MSI2: variants seen among roughly 807,000 people sequenced by gnomAD.
MSI2 encodes RNA-binding protein Musashi homolog 2.
In MSI2, 17 loss-of-function variants were observed where a neutral mutation model predicts 45.6. The ratio of observed to expected loss-of-function variants is 0.37; its 90% CI spans 0.26 to 0.56. The LOEUF is 0.56. MSI2 is among the 20% of genes least tolerant of loss of function. The probability of loss-of-function intolerance (pLI) is 0.77; values close to 1 mark genes in which losing one functional copy is unlikely to be tolerated. For missense variants in MSI2, 293 were observed against 444.2 expected, an observed-to-expected ratio of 0.66 and a Z score of 3.06; for synonymous variants, 156 against 158.2, an observed-to-expected ratio of 0.99 and a Z score of 0.11.
intron 6 of MSI2, among the ~76,000 whole-genome samples, chr17:57,426,979 A>G (rs924743478): frequency 2.6e-5 from 4 of 152,244 alleles, no homozygotes; most frequent in African/African-American, 9.6e-5. Context: ...CAGGGCTTCT[A>G]AATTTTAAAA....
chr17:57,566,978 T>G (rs2087748260), intron 7 of MSI2, among the ~76,000 whole-genome samples: 1 of 152,052 alleles, frequency 6.6e-6, no homozygotes, highest in Non-Finnish European at 1.5e-5. Flanking sequence ...ACCTGATGAG[T>G]CTTCCTATCC....
At chr17:57,542,032 T>A (rs1262609035) in intron 7 of MSI2, among the ~76,000 whole-genome samples, 3 of 152,160 alleles carry the variant, frequency 2.0e-5, no homozygotes, top group Admixed American at 6.5e-5. Context: ...GGATGATTCA[T>A]GACTCTGCTT....
At chr17:57,622,023 A>C (rs8072276) in intron 9 of MSI2, among the ~76,000 whole-genome samples, 8,236 of 152,066 alleles carry the variant, frequency 0.054, 736 homozygotes, top group African/African-American at 0.19. Context: ...CATAGTGAAA[A>C]CTCCATCTCT....
intron 6 of MSI2, among the ~76,000 whole-genome samples, chr17:57,510,618 G>A (rs1468357209): frequency 6.6e-6 from 1 of 151,888 alleles, no homozygotes; most frequent in Non-Finnish European, 1.5e-5. Context: ...AGTAGAGACA[G>A]GGTTTCACCA....
downstream of MSI2, among the ~76,000 whole-genome samples, chr17:57,689,435 T>C (rs2144782092): frequency 6.6e-6 from 1 of 152,302 alleles, no homozygotes; most frequent in Admixed American, 6.5e-5. Flanking sequence ...GATATCCCTC[T>C]GGGAGAACGT....
Position 57,610,894 on chromosome 17 carries a change from A to G in MSI2, c.538-5076A>G, listed in dbSNP as rs1907173573. Reference sequence around the variant, plus strand: ...CAGCATATTGGGAGAAGAAAATTTCAGAACAAATCCCATCAATTTTGTTGG... The same window carrying G: ...CAGCATATTGGGAGAAGAAAATTTCGGAACAAATCCCATCAATTTTGTTGG... On this transcript the variant is annotated intron_variant, in intron 8 of 13. Transcript: ENST00000284073. Among the ~76,000 whole-genome samples, 2 of 95,030 alleles carry G rather than the reference A, an allele frequency of 2.1e-5. 1 individual carries two copies. Among genetic ancestry groups the G allele is most frequent in the African/African-American group, 6.6e-5 (2 of 30,494 alleles). The allele number at this position is 95,030 out of a possible 152,430, so 62.3% of individuals were successfully genotyped here.
intron 8 of MSI2, among the ~76,000 whole-genome samples, chr17:57,613,864 T>C (rs1249215433): frequency 1.3e-5 from 2 of 152,196 alleles, no homozygotes; most frequent in Non-Finnish European, 2.9e-5. Flanking sequence ...GCATTTGTGG[T>C]TATTCTTGAA....
chr17:57,677,914 G>A (rs776886960), intron 13 of MSI2, among the ~76,000 whole-genome samples: 12 of 152,200 alleles, frequency 7.9e-5, no homozygotes, highest in East Asian at 3.8e-4. Context: ...TTGTGAAAGC[G>A]CTAGATGTGT....
the MSI2 span, among the ~76,000 whole-genome samples, chr17:57,699,829 C>G: frequency 2.6e-5 from 4 of 152,254 alleles, no homozygotes; most frequent in Non-Finnish European, 5.9e-5. Context: ...ATCAGCCAGC[C>G]TGGCTGTCCT....
At chr17:57,456,379 G>A (rs562066639) in intron 6 of MSI2, among the ~76,000 whole-genome samples, 5 of 152,340 alleles carry the variant, frequency 3.3e-5, no homozygotes, top group Non-Finnish European at 7.3e-5. Context: ...GGAGGCCAAG[G>A]CGGGTGGATC....
intron 5 of MSI2, among the ~76,000 whole-genome samples, chr17:57,388,978 C>CT (rs201575641): frequency 0.04 from 5,087 of 127,286 alleles, 184 homozygotes; most frequent in Non-Finnish European, 0.056. Flanking sequence ...TCTTCTTCTT[C>CT]TTCTTTTTTT....
intron 5 of MSI2, among the ~76,000 whole-genome samples, chr17:57,317,300 G>A (rs959177742): frequency 6.6e-6 from 1 of 152,172 alleles, no homozygotes; most frequent in African/African-American, 2.4e-5. Flanking sequence ...TGATGACGAT[G>A]CCTGGAGACT....
chr17:57,401,731 C>T (rs527760864), intron 6 of MSI2, among the ~76,000 whole-genome samples: 1 of 152,106 alleles, frequency 6.6e-6, no homozygotes, highest in Non-Finnish European at 1.5e-5. Context: ...GCTGGCCACA[C>T]GGGGCCTGGG....
At chr17:57,448,670 C>T (rs753834959) in intron 6 of MSI2, 3 of 152,262 alleles carry the variant, frequency 2.0e-5, no homozygotes, top group Non-Finnish European at 2.9e-5. Context: ...CCTGGGCCTC[C>T]CTTCCAGGAG....
Position 57,304,051 on chromosome 17 carries a change from G to C in MSI2, c.312+41859G>C, listed in dbSNP as rs183503992. Among the ~76,000 whole-genome samples the C allele has an allele frequency of 5.0e-3, 756 of 152,232 alleles. 6 individuals are homozygous for C. Among genetic ancestry groups the C allele is most frequent in the Admixed American group, 8.5e-3 (130 of 15,294 alleles). On this transcript the variant is annotated intron_variant, in intron 5 of 13. Transcript: ENST00000284073. ...AAGGGGAACACCCAGAAAAATAGTT[G>C]GGAGCCATATTAAGAGCCCATTGAT...
At chr17:57,258,401 C>A (rs1428999287) in intron 4 of MSI2, 47 bp downstream of exon 4, 4 of 1,482,388 alleles carry the variant, frequency 2.7e-6, no homozygotes, top group Non-Finnish European at 3.8e-6. Flanking sequence ...CAGGAACGAT[C>A]TGGGCATTGA....
chr17:57,427,122 C>G (rs936155920), intron 6 of MSI2, among the ~76,000 whole-genome samples: 1 of 152,174 alleles, frequency 6.6e-6, no homozygotes, highest in Admixed American at 6.5e-5. Flanking sequence ...AGAGGCCAGG[C>G]GTGGTGGCTC....
At chr17:57,676,250 G>A (rs1213207490) in intron 12 of MSI2, among the ~76,000 whole-genome samples, 1 of 151,910 alleles carries the variant, frequency 6.6e-6, no homozygotes, top group Admixed American at 6.6e-5. Flanking sequence ...ATGCACACAC[G>A]CACACAGACA....
chr17:57,390,460 G>A (rs1277872955), intron 5 of MSI2, among the ~76,000 whole-genome samples: 4 of 152,204 alleles, frequency 2.6e-5, no homozygotes, highest in Admixed American at 6.5e-5. Context: ...CCACCCCGCA[G>A]GCCATGCGAA....
Sources: gnomAD v4.1 joint callset for allele counts (sites outside exome capture counted in the v4.1 genomes callset) on GRCh38, gnomAD v4.1.1 for gene constraint, MANE v1.5 for transcripts, NCBI Gene and HGNC (gene_info 2026-07-23, HGNC 2026-07-21) for gene names.